The following ZNF581 variants were observed in gnomAD, a reference collection of about 807,000 sequenced individuals.
The protein encoded by ZNF581 is zinc finger protein 581.
Under a neutral mutation model 1.2 loss-of-function variants are expected in ZNF581, and 1 was observed. The ratio of observed to expected loss-of-function variants is 0.83; its 90% CI spans 0.30 to 3.95. The LOEUF (loss-of-function observed/expected upper bound fraction) is 3.95. Ranked by LOEUF, ZNF581 falls within the 30% of genes most tolerant of loss-of-function variation. The pLI is 0.18. For missense variants in ZNF581, 273 were observed against 274.6 expected, an observed-to-expected ratio of 0.99 and a Z score of 0.04; for synonymous variants, 105 against 109.2, an observed-to-expected ratio of 0.96 and a Z score of 0.24.
At chr19:55,642,610 C>A, upstream of ZNF581, 7 of 1,455,046 alleles carry the variant, frequency 4.8e-6, no homozygotes, top group Non-Finnish European at 6.3e-6. Context: ...AGGCGGAAGG[C>A]CCCTCCTCCA....
chr19:55,639,903 CA>C (rs1982341567), upstream of ZNF581, among the ~76,000 whole-genome samples: 1 of 152,188 alleles, frequency 6.6e-6, no homozygotes, highest in South Asian at 2.1e-4. Context: ...AGGTGTGAGC[CA>C]CCGTGCTGAT....
At chr19:55,641,072 G>A (rs1269964763), upstream of ZNF581, 5 of 985,128 alleles carry the variant, frequency 5.1e-6, no homozygotes, top group Non-Finnish European at 4.8e-6. Flanking sequence ...CGGCGCCGCC[G>A]GCCCGGAGCT....
At chr19:55,642,268 G>C (rs748615821), upstream of ZNF581, 9 of 1,239,628 alleles carry the variant, frequency 7.3e-6, no homozygotes, top group South Asian at 3.3e-5. Flanking sequence ...CCCAGGAGGA[G>C]TGGCAGGTGG....
In ZNF581 at chr19:55,643,677, G is replaced by A. The variant is rs1268610455; in HGVS notation, c.-117G>A. 1 of 152,396 alleles carries A rather than the reference G, an allele frequency of 6.6e-6. No individual in the cohort carries two copies. Among genetic ancestry groups the A allele is most frequent in the Non-Finnish European group, 1.5e-5 (1 of 68,198 alleles). The allele number at this position is 152,396 out of a possible 1,614,324, so 9.4% of individuals were successfully genotyped here. Reference sequence around the variant, plus strand: ...TTTCGGCCGGCGCCGCCAGTTCCTGGGGCACACCCAGAGGTCCCCTTCTCG... The same window carrying A: ...TTTCGGCCGGCGCCGCCAGTTCCTGAGGCACACCCAGAGGTCCCCTTCTCG... On this transcript the variant is annotated 5_prime_UTR_variant, in exon 1 of 2. Transcript: ENST00000270451.
upstream of ZNF581, among the ~76,000 whole-genome samples, chr19:55,636,228 G>C (rs1295535497): frequency 6.6e-6 from 1 of 152,172 alleles, no homozygotes; most frequent in Non-Finnish European, 1.5e-5. Context: ...TGGAGGCCAG[G>C]GTACCAGATA....
At chr19:55,638,593 C>A (rs1982237979), upstream of ZNF581, among the ~76,000 whole-genome samples, 2 of 152,124 alleles carry the variant, frequency 1.3e-5, no homozygotes, top group Non-Finnish European at 2.9e-5. Context: ...TCACTCATTA[C>A]CTCGAGGATG....
upstream of ZNF581, chr19:55,640,657 A>G (rs1366043959): frequency 4.5e-5 from 44 of 985,018 alleles, no homozygotes; most frequent in Non-Finnish European, 5.2e-5. Flanking sequence ...CGGTCTCCAC[A>G]TTTGCTCAGC....
chr19:55,643,279 T>C, upstream of ZNF581: 1 of 472,536 alleles, frequency 2.1e-6, no homozygotes, highest in Non-Finnish European at 3.6e-6. Context: ...CCAGTCCAGC[T>C]GTGCTGTGTG....
In ZNF581 at chr19:55,644,156, G is replaced by C. The variant is rs1982713163; in HGVS notation, c.-20+382G>C. Reference sequence around the variant, plus strand: ...GTATGGAGGGGGTCAGGAAAGGCTTGAGTATGTAGCATAGGCCAACACGCA... The same window carrying C: ...GTATGGAGGGGGTCAGGAAAGGCTTCAGTATGTAGCATAGGCCAACACGCA... On this transcript the variant is annotated intron_variant, in intron 1 of 1. Transcript: ENST00000270451. This position sits in a 1 kb window ranked among gnomAD's most constrained non-coding sequence, Gnocchi z 4.3. Among the ~76,000 whole-genome samples the C allele has an allele frequency of 6.6e-6, 1 of 151,502 alleles. No homozygotes were observed. The highest frequency in any genetic ancestry group is 1.5e-5 in the Non-Finnish European group (1 of 67,884).
At chr19:55,642,559 G>C, upstream of ZNF581, 1 of 1,451,612 alleles carries the variant, frequency 6.9e-7, no homozygotes, top group Non-Finnish European at 9.1e-7. Flanking sequence ...CCTCTCCGGA[G>C]GCCATGGACC....
At chr19:55,642,138 G>A (rs912890437), upstream of ZNF581, 7 of 1,026,742 alleles carry the variant, frequency 6.8e-6, no homozygotes, top group Non-Finnish European at 8.2e-6. Flanking sequence ...CGGGGTCTAA[G>A]ATGTAAAGAG....
chr19:55,641,850 T>C (rs935664920), upstream of ZNF581: 1 of 164,002 alleles, frequency 6.1e-6, no homozygotes, highest in Non-Finnish European at 1.3e-5. Context: ...TTCGAGGTGC[T>C]AAGTGTAGGA....
chr19:55,640,266 G>C (rs1982370300), upstream of ZNF581: 2 of 985,462 alleles, frequency 2.0e-6, no homozygotes, highest in Non-Finnish European at 2.4e-6. Flanking sequence ...CGTTGCTTTC[G>C]ACGCCGGAGT....
upstream of ZNF581, among the ~76,000 whole-genome samples, chr19:55,636,643 G>A (rs531205824): frequency 2.0e-5 from 3 of 152,122 alleles, no homozygotes; most frequent in Non-Finnish European, 4.4e-5. Flanking sequence ...GGGGAAGGCA[G>A]GCAGTAACAC....
chr19:55,642,841 C>T, upstream of ZNF581: 1 of 1,575,200 alleles, frequency 6.3e-7, no homozygotes, highest in Non-Finnish European at 8.6e-7. Context: ...AGAGCCACCG[C>T]GTGTCGCACT....
chr19:55,642,296 G>T, upstream of ZNF581: 4 of 1,252,816 alleles, frequency 3.2e-6, no homozygotes, highest in Non-Finnish European at 4.0e-6. Context: ...GTTTTGCAGA[G>T]CTCAGTTGGA....
At chr19:55,636,209 G>A (rs1340711242), upstream of ZNF581, among the ~76,000 whole-genome samples, 1 of 152,208 alleles carries the variant, frequency 6.6e-6, no homozygotes, top group Non-Finnish European at 1.5e-5. Context: ...GCCAGTGTGG[G>A]AGGGGAACTG....
At position 55,644,706 on chromosome 19, in the gene ZNF581, A is replaced by C. The variant is rs369012964; in HGVS notation, c.135A>C (p.Ser45=). ...PSSSIGSPQA[S]SPPRPNHYLL... Reference sequence around the variant, plus strand: ...CCTCCATCGGATCTCCCCAGGCTTCATCTCCTCCAAGGCCCAACCACTACC... The same window carrying C: ...CCTCCATCGGATCTCCCCAGGCTTCCTCTCCTCCAAGGCCCAACCACTACC... Residue 45 remains serine, a synonymous_variant, in exon 2 of 2, where the codon TCA becomes TCC. Transcript: ENST00000270451. This position sits in a 1 kb window ranked among gnomAD's most constrained non-coding sequence, Gnocchi z 4.3. The C allele has an allele frequency of 3.1e-6, 5 of 1,613,808 alleles. No homozygotes were observed. The highest frequency in any genetic ancestry group is 1.3e-5 in the African/African-American group (1 of 74,906).
upstream of ZNF581, chr19:55,642,469 T>C: frequency 7.1e-7 from 1 of 1,402,824 alleles, no homozygotes; most frequent in South Asian, 1.7e-5. Context: ...GTGGCAATTT[T>C]AACTAATCTC....
Sources: gnomAD v4.1 joint callset for allele counts (sites outside exome capture counted in the v4.1 genomes callset) on GRCh38, gnomAD v4.1.1 for gene constraint, Gnocchi (gnomAD v3.1) non-coding constraint, MANE v1.5 for transcripts, NCBI Gene and HGNC (gene_info 2026-07-23, HGNC 2026-07-21) for gene names.